Variants in MXRA8 observed in about 807,000 individuals in gnomAD.
MXRA8 encodes matrix remodeling associated 8, also known as matrix remodeling-associated protein 8.
Under a neutral mutation model 51.4 loss-of-function variants are expected in MXRA8, and 44 were observed. The observed-to-expected ratio is 0.86, with a 90% CI of 0.67 to 1.10. MXRA8 has a LOEUF of 1.10. Ranked by LOEUF, MXRA8 falls within the 50% of genes least tolerant of loss-of-function variation. The probability of loss-of-function intolerance (pLI) is 0.00; values close to 1 mark genes in which losing one functional copy is unlikely to be tolerated. For synonymous variants in MXRA8, 369 were observed against 293.5 expected, an observed-to-expected ratio of 1.26 and a Z score of -2.63; for missense variants, 765 against 638.9, an observed-to-expected ratio of 1.20 and a Z score of -2.13.
chr1:1,355,366 C>T (rs966514103), intron 3 of MXRA8, 21 bp from the exon 4 acceptor site: 6 of 1,564,068 alleles, frequency 3.8e-6, no homozygotes, highest in Non-Finnish European at 5.2e-6. Context: ...AGGAGGAAGC[C>T]GCGCGTGAGC....
In MXRA8 at chr1:1,354,924, G is replaced by A. The variant is rs753383636; in HGVS notation, c.707C>T (p.Pro236Leu). 1 of 1,606,842 alleles carries A rather than the reference G, an allele frequency of 6.2e-7. No homozygotes were observed. Among genetic ancestry groups the A allele is most frequent in the Admixed American group, 1.7e-5 (1 of 59,388 alleles). The part of the protein sequence containing the change: ...YASGERRAYG[P>L]LFLRDRVAVG... ...AGCCACGCGGTCGCGCAGAAAAAGG[G>A]GCCCGTAGGCGCGGCGCTCGCCCGA... The change falls in exon 5 of 10, where the codon CCC becomes CTC. Residue 236 changes from proline to leucine, a missense_variant. Transcript: ENST00000309212.
At chr1:1,359,277 G>A (rs1041629121), upstream of MXRA8, 87 of 985,398 alleles carry the variant, frequency 8.8e-5, no homozygotes, top group South Asian at 7.5e-4. Flanking sequence ...TGGTGTCCCT[G>A]AAACCAGGTG....
In MXRA8 at chr1:1,353,879, G is replaced by A. The variant is rs1217895988; in HGVS notation, c.1272C>T (p.Pro424=). The A allele has an allele frequency of 1.2e-5, 20 of 1,606,640 alleles. No individual in the cohort carries two copies. Among genetic ancestry groups the A allele is most frequent in the Non-Finnish European group, 1.6e-5 (19 of 1,176,700 alleles). Reference sequence around the variant, plus strand: ...CTAGGTCGATGTACTTGGCAGGCAGGGGGCTGTGGGCCAGCTCCGCCCTCT... The same window carrying A: ...CTAGGTCGATGTACTTGGCAGGCAGAGGGCTGTGGGCCAGCTCCGCCCTCT... The part of the protein sequence containing the change: ...LKERAELAHS[P]LPAKYIDLDK... Residue 424 remains proline (P), a synonymous_variant, in exon 9 of 10, where the codon CCC becomes CCT. Transcript: ENST00000309212.
chr1:1,358,348 AC>A, intron 1 of MXRA8, 107 bp downstream of exon 1: 1 of 1,242,128 alleles, frequency 8.1e-7, no homozygotes, highest in South Asian at 1.5e-5. Flanking sequence ...CCCTGGTGGG[AC>A]CTTCCCACTC....
At chr1:1,359,458 A>G (rs1040938606), upstream of MXRA8, 4 of 985,488 alleles carry the variant, frequency 4.1e-6, no homozygotes, top group Non-Finnish European at 4.8e-6. Flanking sequence ...AGAAAAAACA[A>G]TCTGAACAAC....
At chr1:1,359,578 G>C, upstream of MXRA8, 1 of 985,334 alleles carries the variant, frequency 1.0e-6, no homozygotes, top group Non-Finnish European at 1.2e-6. Context: ...CCTGAACCCT[G>C]CTCTGGTGCC....
chr1:1,354,233 C>T lies in MXRA8; in HGVS notation c.1106-1G>A. On this transcript the variant is annotated splice_acceptor_variant, in intron 6 of 9. Transcript: ENST00000309212. LOFTEE classifies it high-confidence loss of function. ...GACTTCTGGTCCGAGTATTCGTAGC[C>T]TGGGAAGGAGACTCACATTGGGGGC... 1.9e-6 allele frequency: 3 copies of T among 1,612,212 alleles called. No homozygotes were observed. Among genetic ancestry groups the T allele is most frequent in the South Asian group, 1.1e-5 (1 of 90,990 alleles).
upstream of MXRA8, among the ~76,000 whole-genome samples, chr1:1,363,436 T>TCC (rs1644240472): frequency 8.0e-6 from 1 of 124,862 alleles, no homozygotes; most frequent in Admixed American, 7.7e-5. Flanking sequence ...CATCAGTTTT[T>TCC]TCTTTTTTTT....
chr1:1,353,919 T>C lies in MXRA8; in HGVS notation c.1232A>G (p.Asn411Ser). 6.2e-7 allele frequency: 1 copy of C among 1,609,578 alleles called. No homozygotes were observed. Among genetic ancestry groups the C allele is most frequent in the South Asian group, 1.1e-5 (1 of 90,530 alleles). Residue 411 changes from asparagine to serine, a missense_variant, in exon 9 of 10, where the codon AAC becomes AGC. By Grantham distance (46) the Asn-to-Ser change is conservative. Coordinates refer to ENST00000309212, the MANE Select transcript of MXRA8 (RefSeq NM_032348.4). ...CTCCGCCCTCTCCTTCAGGATGTTG[T>C]TTTTGTAATCTGTGGGAGGAGAGGA... Reference protein sequence around the residue: ...RSEDIQLDYKNNILKERAELA... With the variant: ...RSEDIQLDYKSNILKERAELA...
chr1:1,353,721 G>C lies in MXRA8; in HGVS notation c.1304-92C>G, dbSNP rs908131798. 314 of 1,477,446 alleles carry C rather than the reference G, an allele frequency of 2.1e-4. 1 individual carries two copies. Among genetic ancestry groups the C allele is most frequent in the Non-Finnish European group, 2.8e-4 (306 of 1,091,984 alleles). The allele number at this position is 1,477,446 out of a possible 1,614,324, so 91.5% of individuals were successfully genotyped here. A position where few individuals can be genotyped will look rare whatever the true frequency, so the allele number is the denominator to read the frequency against. On this transcript the variant is annotated intron_variant, in intron 9 of 9. Transcript: ENST00000309212. ...GCAGACCCCCCCGCAGGACTCCCCAGGGATTTCTGAGCCTGAGGTGGCAGG... is the reference window on the plus strand; with the variant it reads ...GCAGACCCCCCCGCAGGACTCCCCACGGATTTCTGAGCCTGAGGTGGCAGG...
chr1:1,354,545 C>T, intron 5 of MXRA8, 36 bp from the exon 6 acceptor site: 1 of 1,601,364 alleles, frequency 6.2e-7, no homozygotes, highest in African/African-American at 1.3e-5. Context: ...GCGTCAGGTA[C>T]CAGCAAGACC....
At position 1,355,545 on chromosome 1, in the gene MXRA8, G is replaced by A. The variant is rs1644107365; in HGVS notation, c.281C>T (p.Ala94Val). 4.7e-6 allele frequency: 7 copies of A among 1,493,020 alleles called. No individual in the cohort carries two copies. The highest frequency in any genetic ancestry group is 2.8e-5 in the East Asian group (1 of 35,572). The allele number at this position is 1,493,020 out of a possible 1,614,324, so 92.5% of individuals were successfully genotyped here. A position where few individuals can be genotyped will look rare whatever the true frequency, so the allele number is the denominator to read the frequency against. Residue 94 changes from alanine (A) to valine (V), a missense_variant, in exon 3 of 10, where the codon GCG (alanine) becomes GTG (valine). Ala to Val is a moderately conservative substitution (Grantham distance 64). Coordinates refer to ENST00000309212, the MANE Select transcript of MXRA8 (RefSeq NM_032348.4). ...PARRLLDLYSAGEQRVYEARD... is the reference protein window; with the variant it reads ...PARRLLDLYSVGEQRVYEARD... ...CGCCTCGTACACGCGCTGCTCGCCC[G>A]CCGAGTACAAGTCCAGCAGGCGCCG...
In MXRA8 at chr1:1,355,770, T is replaced by A. The variant is rs1384448595; in HGVS notation, c.74-18A>T. 1.9e-6 allele frequency: 1 copy of A among 538,154 alleles called. No homozygotes were observed. Among genetic ancestry groups the A allele is most frequent in the South Asian group, 8.6e-5 (1 of 11,690 alleles). 33.3% of individuals were successfully genotyped at this position (538,154 alleles called of 1,614,324 possible). A position where few individuals can be genotyped will look rare whatever the true frequency, so the allele number is the denominator to read the frequency against. ...CGAGGACCCTGGTGGGGGAGGGGAG[T>A]CGGTGGGGGAAGGGGTGGGCCCCCT... On this transcript the variant is annotated intron_variant, in intron 2 of 9. Coordinates refer to ENST00000309212, the MANE Select transcript of MXRA8 (RefSeq NM_032348.4).
chr1:1,359,507 C>T, upstream of MXRA8: 1 of 985,470 alleles, frequency 1.0e-6, no homozygotes, highest in Non-Finnish European at 1.2e-6. Flanking sequence ...GTTCCGCCCG[C>T]CCACTTGGAG....
chr1:1,354,165 C>A, intron 7 of MXRA8, 28 bp downstream of exon 7: 3 of 1,612,778 alleles, frequency 1.9e-6, no homozygotes, highest in Non-Finnish European at 2.5e-6. Context: ...GCCCTGGTCC[C>A]CAGGAGGGCC....
chr1:1,358,023 G>A (rs1453499190), intron 1 of MXRA8, among the ~76,000 whole-genome samples: 1 of 152,224 alleles, frequency 6.6e-6, no homozygotes, highest in African/African-American at 2.4e-5. Context: ...CTGCCCCAGA[G>A]ATGTGGCCGA....
At position 1,358,490 on chromosome 1, in the gene MXRA8, G is replaced by A; in HGVS notation, c.15C>T (p.Ser5=). The A allele has an allele frequency of 6.2e-7, 1 of 1,613,402 alleles. No individual in the cohort carries two copies. The highest frequency in any genetic ancestry group is 8.5e-7 in the Non-Finnish European group (1 of 1,179,706). The change falls in exon 1 of 10, where the codon TCC becomes TCT. Residue 5 remains serine, a synonymous_variant. Transcript: ENST00000309212. The stretch of plus-strand genomic sequence containing the variant: ...GCACAAGTTTCCAAAGCAGGATTCG[G>A]GATGGCAGCGCCATGGCCCCCGCCC... The part of the protein sequence containing the change: MALP[S]RILLWKLVLL...
At position 1,354,043 on chromosome 1, in the gene MXRA8, C is replaced by T; in HGVS notation, c.1209G>A (p.Glu403=). ...AAGDQMLYRS[E]DIQLDYKNNI... The stretch of plus-strand genomic sequence containing the variant: ...GCACTGCCTCACCTAGCTGGATGTC[C>T]TCACTCCTGTAAAGCATCTGGTCCC... Residue 403 remains glutamate (E), a synonymous_variant, in exon 8 of 10, where the codon GAG becomes GAA. Transcript: ENST00000309212. 1.2e-6 allele frequency: 2 copies of T among 1,612,980 alleles called. No individual in the cohort carries two copies. Among genetic ancestry groups the T allele is most frequent in the South Asian group, 1.1e-5 (1 of 91,088 alleles).
In MXRA8 at chr1:1,354,120, G is replaced by A. The variant is rs1644065833; in HGVS notation, c.1146-14C>T. ...TTAACATCCTTCCTGGATGGCGAGG[G>A]TGGGAGGAGGTTACAGCTGGGTGGG... On this transcript the variant is annotated splice_polypyrimidine_tract_variant and intron_variant, in intron 7 of 9. Transcript: ENST00000309212. 2 of 1,612,892 alleles carry A rather than the reference G, an allele frequency of 1.2e-6. No homozygotes were observed. Among genetic ancestry groups the A allele is most frequent in the South Asian group, 1.1e-5 (1 of 91,088 alleles).
Sources: gnomAD v4.1 joint callset for allele counts (sites outside exome capture counted in the v4.1 genomes callset) on GRCh38, gnomAD v4.1.1 for gene constraint, MANE v1.5 for transcripts, NCBI Gene and HGNC (gene_info 2026-07-23, HGNC 2026-07-21) for gene names.